Variants in FBXW7 observed in about 807,000 individuals in gnomAD.
FBXW7 encodes the protein F-box/WD repeat-containing protein 7.
A neutral mutation model predicts 86.3 loss-of-function variants in FBXW7; 11 were observed. That is an observed-to-expected ratio of 0.13 (90% CI 0.08 to 0.21). The LOEUF is 0.21. Ranked by LOEUF, FBXW7 falls within the 10% of genes least tolerant of loss-of-function variation. The pLI, the probability that FBXW7 is intolerant of heterozygous loss-of-function variation, is 1.00. For synonymous variants in FBXW7, 313 were observed against 297.9 expected (o/e 1.05, Z -0.52); for missense variants, 488 against 847.4 (o/e 0.58, Z 5.27).
intron 4 of FBXW7, among the ~76,000 whole-genome samples, chr4:152,404,721 C>T (rs1014359012): frequency 6.6e-6 from 1 of 152,122 alleles, no homozygotes; most frequent in East Asian, 1.9e-4. Flanking sequence ...TGTACATATA[C>T]TGAATACCTG....
At chr4:152,344,573 G>T (rs1430875555) in intron 6 of FBXW7, among the ~76,000 whole-genome samples, 3 of 149,840 alleles carry the variant, frequency 2.0e-5, no homozygotes, top group Non-Finnish European at 4.4e-5. Flanking sequence ...AAATTGGAAT[G>T]CATCTAAAAA....
At chr4:152,432,163 G>A (rs762665184) in intron 2 of FBXW7, among the ~76,000 whole-genome samples, 4 of 152,086 alleles carry the variant, frequency 2.6e-5, no homozygotes, top group South Asian at 2.1e-4. Context: ...ATGTTTCACC[G>A]TGAACTATGT....
At chr4:152,507,442 T>C (rs1441380840) in intron 2 of FBXW7, among the ~76,000 whole-genome samples, 1 of 152,246 alleles carries the variant, frequency 6.6e-6, no homozygotes, top group Non-Finnish European at 1.5e-5. Flanking sequence ...TGACACAATG[T>C]AACTTGTGAA....
At chr4:152,444,257 T>C (rs1256464500) in intron 2 of FBXW7, among the ~76,000 whole-genome samples, 2 of 152,198 alleles carry the variant, frequency 1.3e-5, no homozygotes, top group Admixed American at 1.3e-4. Flanking sequence ...ATGAGCACTT[T>C]CCTATGTCTT....
At chr4:152,515,987 A>G (rs1748454216) in intron 2 of FBXW7, among the ~76,000 whole-genome samples, 1 of 152,162 alleles carries the variant, frequency 6.6e-6, no homozygotes, top group South Asian at 2.1e-4. Flanking sequence ...ACAGCCAGCA[A>G]GCAAACAGGG....
chr4:152,514,679 T>A (rs1748299939), intron 2 of FBXW7, among the ~76,000 whole-genome samples: 1 of 151,912 alleles, frequency 6.6e-6, no homozygotes, highest in South Asian at 2.1e-4. Flanking sequence ...CTCTCCTCTT[T>A]CTCTCCTTTC....
chr4:152,507,021 G>A (rs1747489664), intron 2 of FBXW7, among the ~76,000 whole-genome samples: 1 of 152,176 alleles, frequency 6.6e-6, no homozygotes, highest in Non-Finnish European at 1.5e-5. Flanking sequence ...TCTGATGGCT[G>A]ATAAATTACA....
At chr4:152,382,877 T>C (rs1735213357) in intron 4 of FBXW7, among the ~76,000 whole-genome samples, 3 of 152,204 alleles carry the variant, frequency 2.0e-5, no homozygotes. Flanking sequence ...TGTTTACGTA[T>C]GGTTTAAAAA....
chr4:152,470,566 T>G (rs1158833413), intron 2 of FBXW7, among the ~76,000 whole-genome samples: 1 of 152,126 alleles, frequency 6.6e-6, no homozygotes, highest in African/African-American at 2.4e-5. Flanking sequence ...AATTAAAATA[T>G]TTTATGCATA....
At chr4:152,427,033 A>C (rs1269216732) in intron 2 of FBXW7, among the ~76,000 whole-genome samples, 3 of 152,212 alleles carry the variant, frequency 2.0e-5, no homozygotes, top group African/African-American at 7.2e-5. Context: ...TTTGAGAAAA[A>C]CAAATAGGAT....
intron 2 of FBXW7, among the ~76,000 whole-genome samples, chr4:152,467,473 CT>C (rs761612924): frequency 2.0e-5 from 3 of 152,106 alleles, no homozygotes; most frequent in Non-Finnish European, 4.4e-5. Context: ...CTAATAACAT[CT>C]ATTAAGGATG....
In FBXW7 at chr4:152,477,551, CA is replaced by C. The variant is rs569559210; in HGVS notation, c.-120+57389del. ...ATTTGGGGGAAAAAATAGTAAACCC[CA>C]AAAAAACCCATAAATACTCAACCAC... On this transcript the variant is annotated intron_variant, in intron 2 of 13. Coordinates refer to ENST00000281708, the MANE Select transcript of FBXW7 (RefSeq NM_001349798.2). Among the ~76,000 whole-genome samples the C allele has an allele frequency of 1.5e-4, 23 of 152,028 alleles. No individual in the cohort carries two copies. The South Asian group carries it at 4.8e-3, about 32-fold the overall frequency.
chr4:152,345,975 G>C (rs773195555), intron 6 of FBXW7, among the ~76,000 whole-genome samples: 4 of 151,950 alleles, frequency 2.6e-5, no homozygotes, highest in Non-Finnish European at 4.4e-5. Flanking sequence ...TTACTATGGA[G>C]GCTAATATCA....
At chr4:152,374,819 G>C (rs1273705552) in intron 4 of FBXW7, among the ~76,000 whole-genome samples, 1 of 151,834 alleles carries the variant, frequency 6.6e-6, no homozygotes, top group Non-Finnish European at 1.5e-5. Context: ...GGACCATGAG[G>C]TCATGGAAAG....
At chr4:152,370,943 A>T (rs554803116) in intron 4 of FBXW7, among the ~76,000 whole-genome samples, 1 of 152,018 alleles carries the variant, frequency 6.6e-6, no homozygotes, top group African/African-American at 2.4e-5. Context: ...ATATTGACTT[A>T]AAAAAACCCT....
chr4:152,458,904 GATAA>G (rs1225854932), intron 2 of FBXW7, among the ~76,000 whole-genome samples: 1 of 152,114 alleles, frequency 6.6e-6, no homozygotes, highest in East Asian at 1.9e-4. Flanking sequence ...CACAATAAGA[GATAA>G]ATAAACAATT....
chr4:152,346,866 G>C (rs2126633221), intron 6 of FBXW7, 64 bp downstream of exon 6: 1 of 1,591,334 alleles, frequency 6.3e-7, no homozygotes, highest in South Asian at 1.1e-5. Context: ...TTTTACGGAT[G>C]AATAATCCCT....
rs541807185 is a variant in FBXW7 at position 152,426,638 on chromosome 4, CA to C, written c.-119-14110del. On this transcript the variant is annotated intron_variant, in intron 2 of 13. Coordinates refer to ENST00000281708, the MANE Select transcript of FBXW7 (RefSeq NM_001349798.2). ...GAAGCAACAGAGATCAGACCTGTAA[CA>C]GGGGGATCCCCCCAAATAACCGGCC... Among the ~76,000 whole-genome samples the C allele has an allele frequency of 8.5e-5, 13 of 152,282 alleles. No homozygotes were observed. In the South Asian group the frequency reaches 2.7e-3, roughly 32 times the overall value.
At chr4:152,496,435 T>C (rs1032266082) in intron 2 of FBXW7, among the ~76,000 whole-genome samples, 5 of 151,842 alleles carry the variant, frequency 3.3e-5, no homozygotes, top group Non-Finnish European at 7.4e-5. Flanking sequence ...CTCACGCCTA[T>C]AATCCCAGCA....
Sources: gnomAD v4.1 joint callset for allele counts (sites outside exome capture counted in the v4.1 genomes callset) on GRCh38, gnomAD v4.1.1 for gene constraint, MANE v1.5 for transcripts, NCBI Gene and HGNC (gene_info 2026-07-23, HGNC 2026-07-21) for gene names.